The following OPCML variants were observed in gnomAD, a reference collection of about 807,000 sequenced individuals.
The protein encoded by OPCML is opioid-binding protein/cell adhesion molecule.
A neutral mutation model predicts 37.8 loss-of-function variants in OPCML; 13 were observed. That is an observed-to-expected ratio of 0.34 (90% CI 0.22 to 0.55). OPCML has a LOEUF of 0.55. Among genes scored for constraint, OPCML ranks in the 20% least tolerant of loss-of-function variants. The probability of loss-of-function intolerance (pLI) is 0.91; values close to 1 mark genes in which losing one functional copy is unlikely to be tolerated. For synonymous variants in OPCML, 176 were observed against 168.8 expected (o/e 1.04, Z -0.33); for missense variants, 341 against 435.6 (o/e 0.78, Z 1.93).
At chr11:132,441,196 T>C (rs7124192) in intron 4 of OPCML, among the ~76,000 whole-genome samples, 37,420 of 102,838 alleles carry the variant, frequency 0.36, 7,959 homozygotes, top group African/African-American at 0.67. Context: ...GAGACGGAGT[T>C]TCGCTCTGTC....
chr11:132,586,276 A>G (rs1025840286), intron 3 of OPCML, among the ~76,000 whole-genome samples: 13 of 152,338 alleles, frequency 8.5e-5, no homozygotes, highest in African/African-American at 3.1e-4. Flanking sequence ...GAGATTCTCA[A>G]TTTCTGAGAC....
At chr11:133,225,052 G>A (rs577766514) in intron 1 of OPCML, among the ~76,000 whole-genome samples, 1 of 152,316 alleles carries the variant, frequency 6.6e-6, no homozygotes, top group Non-Finnish European at 1.5e-5. Context: ...GAAGTACTTG[G>A]GGGACATGAA....
chr11:132,690,363 T>A (rs532428761), intron 2 of OPCML, among the ~76,000 whole-genome samples: 1 of 152,342 alleles, frequency 6.6e-6, no homozygotes, highest in Admixed American at 6.5e-5. Context: ...AGTTAGAAAG[T>A]ACATCTCTAA....
intron 2 of OPCML, among the ~76,000 whole-genome samples, chr11:132,761,777 T>G (rs966312896): frequency 1.3e-5 from 2 of 152,152 alleles, no homozygotes; most frequent in African/African-American, 4.8e-5. Flanking sequence ...CGGAAGAGTT[T>G]GTTATTACCC....
intron 2 of OPCML, among the ~76,000 whole-genome samples, chr11:132,682,224 C>T (rs564058724): frequency 6.6e-6 from 1 of 152,226 alleles, no homozygotes; most frequent in East Asian, 1.9e-4. Flanking sequence ...AGCAAGGCAC[C>T]CTCGTCATGA....
At chr11:133,037,804 C>T (rs1565411602) in intron 1 of OPCML, among the ~76,000 whole-genome samples, 3 of 152,144 alleles carry the variant, frequency 2.0e-5, no homozygotes, top group Non-Finnish European at 4.4e-5. Context: ...TCTCCATAGG[C>T]AGAAAAAGGG....
chr11:132,740,672 C>A (rs559306457), intron 2 of OPCML, among the ~76,000 whole-genome samples: 1 of 152,034 alleles, frequency 6.6e-6, no homozygotes, highest in Non-Finnish European at 1.5e-5. Context: ...GCCATAACTT[C>A]TTAAAATATT....
intron 1 of OPCML, among the ~76,000 whole-genome samples, chr11:133,191,887 A>G (rs1938336944): frequency 6.6e-6 from 1 of 152,208 alleles, no homozygotes; most frequent in African/African-American, 2.4e-5. Flanking sequence ...GTCATTGGTC[A>G]TATTTTTAAA....
chr11:132,809,119 A>C (rs1939181932), intron 2 of OPCML, among the ~76,000 whole-genome samples: 1 of 152,168 alleles, frequency 6.6e-6, no homozygotes, highest in South Asian at 2.1e-4. Context: ...AAAAGGAAAA[A>C]CAGAAGCAGC....
chr11:132,704,283 G>A (rs1378293044), intron 2 of OPCML, among the ~76,000 whole-genome samples: 1 of 152,142 alleles, frequency 6.6e-6, no homozygotes, highest in South Asian at 2.1e-4. Context: ...TTCTGAAGAA[G>A]TTACCTGAGA....
intron 1 of OPCML, among the ~76,000 whole-genome samples, chr11:133,207,838 G>A (rs1041220298): frequency 4.6e-5 from 7 of 152,056 alleles, no homozygotes; most frequent in Non-Finnish European, 8.8e-5. Flanking sequence ...ACATCCCTGT[G>A]GCATCTTTCC....
At chr11:133,011,408 G>A (rs1947210909) in intron 1 of OPCML, among the ~76,000 whole-genome samples, 1 of 152,122 alleles carries the variant, frequency 6.6e-6, no homozygotes, top group South Asian at 2.1e-4. Flanking sequence ...AATACCCACG[G>A]GGAACCCTCT....
chr11:133,069,677 C>G (rs1028330966), intron 1 of OPCML, among the ~76,000 whole-genome samples: 3 of 152,198 alleles, frequency 2.0e-5, no homozygotes, highest in African/African-American at 7.2e-5. Context: ...CCAAAGTGGA[C>G]AAATGGCATT....
chr11:132,742,493 C>T (rs912674381), intron 2 of OPCML, among the ~76,000 whole-genome samples: 2 of 152,048 alleles, frequency 1.3e-5, no homozygotes, highest in Admixed American at 6.6e-5. Flanking sequence ...CTGCTGGCAC[C>T]GTGATCTTGG....
chr11:132,704,467 G>A (rs1163471637), intron 2 of OPCML, among the ~76,000 whole-genome samples: 1 of 152,138 alleles, frequency 6.6e-6, no homozygotes, highest in Non-Finnish European at 1.5e-5. Context: ...GTTTAGGTGA[G>A]AACTAGAAGC....
At chr11:133,244,206 A>G (rs1420563625) in intron 1 of OPCML, among the ~76,000 whole-genome samples, 1 of 152,174 alleles carries the variant, frequency 6.6e-6, no homozygotes, top group Non-Finnish European at 1.5e-5. Flanking sequence ...CCACCATTCA[A>G]TAGTGCAGTG....
chr11:132,965,830 C>T (rs1431777042), intron 1 of OPCML, among the ~76,000 whole-genome samples: 2 of 152,174 alleles, frequency 1.3e-5, no homozygotes, highest in African/African-American at 2.4e-5. Context: ...TGAGCCTAGC[C>T]AGCACACAAC....
At chr11:132,847,992 G>A (rs774441607) in intron 2 of OPCML, among the ~76,000 whole-genome samples, 6 of 152,192 alleles carry the variant, frequency 3.9e-5, no homozygotes, top group Non-Finnish European at 7.3e-5. Flanking sequence ...AGTTTCATCA[G>A]AGACACAGGG....
At chr11:132,745,563 C>CAAAAAAAAAAAAAAAA (rs10562857) in intron 2 of OPCML, among the ~76,000 whole-genome samples, 1 of 102,972 alleles carries the variant, frequency 9.7e-6, no homozygotes, top group Non-Finnish European at 1.9e-5. Flanking sequence ...TGCTGTCTTG[C>CAAAAAAAAAAAAAAAA]AAAAAAAAAA....
Sources: allele counts gnomAD v4.1 joint callset (sites outside exome capture counted in the v4.1 genomes callset), GRCh38; gene constraint gnomAD v4.1.1; transcripts MANE v1.5; gene names NCBI Gene and HGNC (gene_info 2026-07-23, HGNC 2026-07-21).